Variants in FER observed in about 807,000 individuals in gnomAD.
FER encodes tyrosine-protein kinase Fer.
A neutral mutation model predicts 111.0 loss-of-function variants in FER; 63 were observed. The ratio of observed to expected loss-of-function variants is 0.57; its 90% confidence interval spans 0.46 to 0.70. The LOEUF (loss-of-function observed/expected upper bound fraction) is 0.70, where lower values mean the gene tolerates loss of function less well. Among genes scored for constraint, FER ranks in the 30% least tolerant of loss-of-function variants. The pLI is 0.00. For synonymous variants in FER, 327 were observed against 313.9 expected (o/e 1.04, Z -0.44); for missense variants, 914 against 954.0 (o/e 0.96, Z 0.55).
chr5:108,809,682 C>T (rs764905423), intron 3 of FER, among the ~76,000 whole-genome samples: 2 of 152,160 alleles, frequency 1.3e-5, no homozygotes, highest in Non-Finnish European at 2.9e-5. Flanking sequence ...CCTATCTTAG[C>T]CTCCTGAGTA....
At chr5:108,990,305 C>A (rs542304695) in intron 13 of FER, among the ~76,000 whole-genome samples, 2 of 151,822 alleles carry the variant, frequency 1.3e-5, no homozygotes, top group South Asian at 4.2e-4. Flanking sequence ...GATATTTAAT[C>A]AAACTTTAAA....
intron 10 of FER, among the ~76,000 whole-genome samples, chr5:108,908,287 T>A (rs570000925): frequency 6.9e-4 from 105 of 152,304 alleles, no homozygotes; most frequent in South Asian, 2.9e-3. Flanking sequence ...TGTTAAAAAA[T>A]TTTTTAAAAA....
chr5:108,863,275 AC>A (rs1763713857), intron 5 of FER, among the ~76,000 whole-genome samples: 1 of 152,028 alleles, frequency 6.6e-6, no homozygotes, highest in South Asian at 2.1e-4. Context: ...ATGCACCACC[AC>A]ACCTGGCTAC....
rs193014502 is a variant in FER at position 109,124,902 on chromosome 5, C to T, written c.2048+24383C>T. Among the ~76,000 whole-genome samples the T allele has an allele frequency of 1.2e-3, 177 of 151,872 alleles. 2 individuals carry two copies. The highest frequency in any genetic ancestry group is 4.0e-3 in the African/African-American group (164 of 41,434). ...TCCACTAAAAATACAAAAAATTAGC[C>T]AGGCGTAGTGGCGGGCACCTGTAGT... On this transcript the variant is annotated intron_variant, in intron 17 of 19. Coordinates refer to ENST00000281092, the MANE Select transcript of FER (RefSeq NM_005246.4).
chr5:109,114,286 T>G (rs1380956396), intron 17 of FER, among the ~76,000 whole-genome samples: 1 of 152,190 alleles, frequency 6.6e-6, no homozygotes, highest in East Asian at 1.9e-4. Flanking sequence ...TAGCTATCAA[T>G]TATTAATTTT....
chr5:108,867,379 T>C (rs1764170020), intron 5 of FER, among the ~76,000 whole-genome samples: 1 of 152,172 alleles, frequency 6.6e-6, no homozygotes, highest in East Asian at 1.9e-4. Flanking sequence ...TTTGTTGATA[T>C]CTCAAACATA....
intron 17 of FER, among the ~76,000 whole-genome samples, chr5:109,131,041 C>T (rs1752299952): frequency 6.6e-6 from 1 of 152,074 alleles, no homozygotes; most frequent in African/African-American, 2.4e-5. Flanking sequence ...AGCTTTATAT[C>T]TCTGACATAG....
intron 17 of FER, among the ~76,000 whole-genome samples, chr5:109,146,253 A>AATATATATATATATATATATATAT (rs6149172): frequency 2.1e-4 from 9 of 42,128 alleles, no homozygotes; most frequent in African/African-American, 2.7e-4. Flanking sequence ...TAATCTATCT[A>AATATATATATATATATATATATAT]ATATATATAT....
chr5:108,874,337 A>G (rs1764882327), intron 8 of FER, among the ~76,000 whole-genome samples: 1 of 152,178 alleles, frequency 6.6e-6, no homozygotes, highest in African/African-American at 2.4e-5. Flanking sequence ...ATAGTGATGA[A>G]GCAGTAAACA....
At chr5:108,957,439 A>G (rs535320935) in intron 12 of FER, among the ~76,000 whole-genome samples, 75 of 151,772 alleles carry the variant, frequency 4.9e-4, no homozygotes, top group South Asian at 2.7e-3. Context: ...ATTATTAAAA[A>G]CACAAAAAAA....
intron 15 of FER, among the ~76,000 whole-genome samples, chr5:109,045,748 A>G (rs903072814): frequency 1.3e-5 from 2 of 152,160 alleles, no homozygotes; most frequent in East Asian, 3.9e-4. Context: ...TGGAAGGGGA[A>G]ATGGGAGGCC....
At chr5:108,873,803 C>T (rs527666738) in intron 8 of FER, among the ~76,000 whole-genome samples, 3 of 152,288 alleles carry the variant, frequency 2.0e-5, no homozygotes, top group East Asian at 1.9e-4. Context: ...TGCTGCTAAA[C>T]GTCCTACAGT....
At chr5:109,037,378 T>C (rs1396696319) in intron 13 of FER, 44 bp from the exon 14 acceptor site, 4 of 1,539,834 alleles carry the variant, frequency 2.6e-6, no homozygotes, top group South Asian at 2.3e-5. Context: ...TCAAGAAGTG[T>C]ACCCTTGCTT....
chr5:109,098,392 A>G (rs190581928), intron 16 of FER, among the ~76,000 whole-genome samples: 6 of 151,912 alleles, frequency 3.9e-5, no homozygotes, highest in Admixed American at 1.3e-4. Flanking sequence ...GAAAAAAAGT[A>G]TCAGGATTCT....
At chr5:109,120,320 A>G (rs1248580911) in intron 17 of FER, among the ~76,000 whole-genome samples, 4 of 152,226 alleles carry the variant, frequency 2.6e-5, no homozygotes, top group South Asian at 4.2e-4. Flanking sequence ...TCTTCTGCAC[A>G]TGGATCTCCA....
chr5:108,766,196 T>A (rs915749448), intron 1 of FER, among the ~76,000 whole-genome samples: 5 of 152,204 alleles, frequency 3.3e-5, no homozygotes, highest in African/African-American at 1.2e-4. Context: ...CCTCCCAAAG[T>A]GCTGACATTA....
intron 13 of FER, among the ~76,000 whole-genome samples, chr5:108,986,438 T>G (rs1383800464): frequency 6.6e-6 from 1 of 152,172 alleles, no homozygotes; most frequent in Non-Finnish European, 1.5e-5. Context: ...GTGCAGAAGC[T>G]TTTTCATTTA....
intron 14 of FER, among the ~76,000 whole-genome samples, chr5:109,042,684 A>G (rs772194496): frequency 6.6e-6 from 1 of 152,188 alleles, no homozygotes; most frequent in Admixed American, 6.5e-5. Context: ...GGACAGGAAA[A>G]TCAATTTTGG....
At chr5:109,079,903 C>A (rs951480177) in intron 16 of FER, among the ~76,000 whole-genome samples, 2 of 152,118 alleles carry the variant, frequency 1.3e-5, no homozygotes, top group Non-Finnish European at 2.9e-5. Flanking sequence ...GCTTTTCTAG[C>A]AGTTTCTGAT....
Sources: allele counts gnomAD v4.1 joint callset (sites outside exome capture counted in the v4.1 genomes callset), GRCh38; gene constraint gnomAD v4.1.1; transcripts MANE v1.5; gene names NCBI Gene and HGNC (gene_info 2026-07-23, HGNC 2026-07-21).